FAT3: variants seen among roughly 807,000 people sequenced by gnomAD.
The protein encoded by FAT3 is protocadherin Fat 3.
FAT3 carries 95 observed loss-of-function variants against 310.2 expected under a neutral mutation model. That is an observed-to-expected ratio of 0.31 (90% CI 0.26 to 0.36). FAT3 has a LOEUF of 0.36. FAT3 is among the 10% of genes least tolerant of loss of function. The pLI, the probability that FAT3 is intolerant of heterozygous loss-of-function variation, is 1.00. For synonymous variants in FAT3, 2,314 were observed against 2,192.9 expected (o/e 1.06, Z -1.54); for missense variants, 5,408 against 5,715.6 (o/e 0.95, Z 1.74).
chr11:92,357,460 A>G lies in FAT3; in HGVS notation c.3292+2056A>G, dbSNP rs553956552. On this transcript the variant is annotated intron_variant, in intron 2 of 27. Coordinates refer to ENST00000525166, the MANE Select transcript of FAT3 (RefSeq NM_001367949.2). ...AATCTGTAAGTCAATAAAGTATTAAACAGGTTTCAAAATCCTTGCAACCCT... is the reference window on the plus strand; with the variant it reads ...AATCTGTAAGTCAATAAAGTATTAAGCAGGTTTCAAAATCCTTGCAACCCT... Among the ~76,000 whole-genome samples the G allele has an allele frequency of 1.8e-4, 28 of 152,326 alleles. 1 individual carries two copies. The highest frequency in any genetic ancestry group is 6.0e-4 in the African/African-American group (25 of 41,572).
intron 3 of FAT3, among the ~76,000 whole-genome samples, chr11:92,561,250 CGTGTGTGTGTGTGTGTGTGT>C (rs66585879): frequency 0.15 from 22,796 of 148,446 alleles, 1,911 homozygotes; most frequent in East Asian, 0.29. Flanking sequence ...CCTTCTACTT[CGTGTGTGTGTGTGTGTGTGT>C]GTGTGTGTGT....
At chr11:92,647,075 T>C (rs960325527) in intron 3 of FAT3, among the ~76,000 whole-genome samples, 2 of 152,092 alleles carry the variant, frequency 1.3e-5, no homozygotes, top group Admixed American at 6.6e-5. Context: ...AGACCCAAGA[T>C]TGAAACTGAA....
chr11:92,836,730 C>G (rs572469654), intron 16 of FAT3, 27 bp downstream of exon 16: 1 of 1,603,966 alleles, frequency 6.2e-7, no homozygotes, highest in South Asian at 1.1e-5. Context: ...CAGTTTCCTT[C>G]CCATCCACAT....
At chr11:92,404,035 G>GA (rs891564890) in intron 2 of FAT3, among the ~76,000 whole-genome samples, 3 of 150,160 alleles carry the variant, frequency 2.0e-5, no homozygotes, top group African/African-American at 7.3e-5. Context: ...AGTCCGTCAA[G>GA]AAAAAAAAGG....
rs564140528 is a variant in FAT3 at position 92,656,468 on chromosome 11, A to C, written c.3608-40916A>C. ...AACAAATATGTAGGAAGTTTTTATA[A>C]TTCAAGCCACCTGCTCATTGCATGT... is the stretch of plus-strand genomic sequence containing the variant. On this transcript the variant is annotated intron_variant, in intron 3 of 27. Coordinates refer to ENST00000525166, the MANE Select transcript of FAT3 (RefSeq NM_001367949.2). Among the ~76,000 whole-genome samples the C allele has an allele frequency of 2.6e-5, 4 of 152,344 alleles. No individual in the cohort carries two copies. In the East Asian group the frequency reaches 5.8e-4, roughly 22 times the overall value.
intron 7 of FAT3, among the ~76,000 whole-genome samples, chr11:92,776,015 A>C (rs1055705173): frequency 2.6e-5 from 4 of 152,198 alleles, no homozygotes; most frequent in African/African-American, 9.7e-5. Context: ...TTGCTGTCTT[A>C]AGTGTTAATT....
intron 4 of FAT3, among the ~76,000 whole-genome samples, chr11:92,732,452 A>G (rs1409594189): frequency 6.6e-6 from 1 of 152,220 alleles, no homozygotes; most frequent in East Asian, 1.9e-4. Context: ...GGACACAAAA[A>G]TGAATAAGAT....
intron 3 of FAT3, among the ~76,000 whole-genome samples, chr11:92,567,443 G>A (rs1384524819): frequency 6.7e-6 from 1 of 149,498 alleles, no homozygotes; most frequent in Non-Finnish European, 1.5e-5. Context: ...TGGTGGGACT[G>A]TAAACTAGTT....
chr11:92,296,011 G>A (rs1946837388), intron 1 of FAT3, among the ~76,000 whole-genome samples: 1 of 152,080 alleles, frequency 6.6e-6, no homozygotes, highest in South Asian at 2.1e-4. Context: ...GGTAATTGTG[G>A]AGATAGAAGC....
At chr11:92,717,951 T>G (rs954960815) in intron 4 of FAT3, among the ~76,000 whole-genome samples, 3 of 152,108 alleles carry the variant, frequency 2.0e-5, no homozygotes, top group African/African-American at 4.8e-5. Flanking sequence ...CATGGTGGAT[T>G]GCAAAAAATG....
chr11:92,392,842 T>C (rs938118310), intron 2 of FAT3, among the ~76,000 whole-genome samples: 2 of 152,200 alleles, frequency 1.3e-5, no homozygotes, highest in African/African-American at 4.8e-5. Flanking sequence ...CCTCCTCTCC[T>C]AGCCCATAGC....
intron 14 of FAT3, among the ~76,000 whole-genome samples, chr11:92,832,961 C>G (rs774843873): frequency 6.6e-6 from 1 of 152,178 alleles, no homozygotes; most frequent in South Asian, 2.1e-4. Flanking sequence ...TCACCACATC[C>G]TTTTCCAACT....
chr11:92,260,567 T>C (rs1415655960), intron 1 of FAT3, among the ~76,000 whole-genome samples: 1 of 152,102 alleles, frequency 6.6e-6, no homozygotes, highest in African/African-American at 2.4e-5. Flanking sequence ...TGTGGGTAAA[T>C]GCACCAGTGT....
At chr11:92,358,335 A>G (rs1327147910) in intron 2 of FAT3, among the ~76,000 whole-genome samples, 1 of 152,240 alleles carries the variant, frequency 6.6e-6, no homozygotes, top group Non-Finnish European at 1.5e-5. Context: ...AAGGTCACAT[A>G]GGCTTTAAAG....
intron 3 of FAT3, among the ~76,000 whole-genome samples, chr11:92,660,679 G>C (rs1942751280): frequency 6.6e-6 from 1 of 152,130 alleles, no homozygotes; most frequent in African/African-American, 2.4e-5. Flanking sequence ...CAAGAACTCT[G>C]GGTCTCTCAT....
At chr11:92,612,073 C>T (rs1305501600) in intron 3 of FAT3, among the ~76,000 whole-genome samples, 1 of 152,298 alleles carries the variant, frequency 6.6e-6, no homozygotes, top group East Asian at 1.9e-4. Context: ...ACATTGGGAA[C>T]ATTTAATAAC....
At chr11:92,654,206 A>G (rs971614912) in intron 3 of FAT3, among the ~76,000 whole-genome samples, 1 of 152,164 alleles carries the variant, frequency 6.6e-6, no homozygotes, top group Non-Finnish European at 1.5e-5. Context: ...CCCACCTTTC[A>G]ATCTGGTTTC....
intron 2 of FAT3, among the ~76,000 whole-genome samples, chr11:92,406,102 G>A (rs977905623): frequency 2.0e-5 from 3 of 152,082 alleles, no homozygotes; most frequent in African/African-American, 4.8e-5. Context: ...GATTGATACA[G>A]TGTTCCTTAT....
intron 2 of FAT3, among the ~76,000 whole-genome samples, chr11:92,510,809 G>A (rs947052552): frequency 6.6e-6 from 1 of 152,224 alleles, no homozygotes; most frequent in African/African-American, 2.4e-5. Flanking sequence ...GAAGTAACAG[G>A]CACTGAAGGC....
Sources: gnomAD v4.1 joint callset for allele counts (sites outside exome capture counted in the v4.1 genomes callset) on GRCh38, gnomAD v4.1.1 for gene constraint, MANE v1.5 for transcripts, NCBI Gene and HGNC (gene_info 2026-07-23, HGNC 2026-07-21) for gene names.